Variants in STK3 observed in about 807,000 individuals in gnomAD.
STK3 encodes serine/threonine-protein kinase 3.
Under a neutral mutation model 58.0 loss-of-function variants are expected in STK3, and 41 were observed. The observed-to-expected ratio is 0.71, with a 90% confidence interval of 0.55 to 0.92. The LOEUF (loss-of-function observed/expected upper bound fraction) is 0.92. STK3 is among the 40% of genes least tolerant of loss of function. The pLI, the probability that STK3 is intolerant of heterozygous loss-of-function variation, is 0.00. For synonymous variants in STK3, 170 were observed against 191.0 expected (o/e 0.89, Z 0.91); for missense variants, 479 against 602.7 (o/e 0.79, Z 2.15).
At chr8:98,417,869 C>T (rs1051134490) in intron 3 of STK3, among the ~76,000 whole-genome samples, 10 of 152,148 alleles carry the variant, frequency 6.6e-5, no homozygotes, top group South Asian at 2.1e-4. Flanking sequence ...CCTTCCAGAA[C>T]GCCTCGCTGT....
At chr8:98,922,780 C>T (rs531747584) in intron 1 of STK3, among the ~76,000 whole-genome samples, 2 of 152,156 alleles carry the variant, frequency 1.3e-5, no homozygotes, top group Non-Finnish European at 2.9e-5. Flanking sequence ...ATTCTTGGCT[C>T]TTGTCCTTTG....
At chr8:98,697,792 C>T (rs1254240576) in intron 6 of STK3, among the ~76,000 whole-genome samples, 2 of 152,048 alleles carry the variant, frequency 1.3e-5, no homozygotes, top group African/African-American at 4.8e-5. Context: ...AAAATGTGGT[C>T]AATTTTGGAA....
intron 4 of STK3, among the ~76,000 whole-genome samples, chr8:98,738,210 G>C (rs1828787641): frequency 6.6e-6 from 1 of 152,166 alleles, no homozygotes; most frequent in African/African-American, 2.4e-5. Context: ...AGACACGGTG[G>C]CTCATGCCTC....
intron 10 of STK3, among the ~76,000 whole-genome samples, chr8:98,468,851 C>G (rs112831554): frequency 0.032 from 4,945 of 152,288 alleles, 120 homozygotes; most frequent in East Asian, 0.079. Context: ...TGGCTAACGC[C>G]TGTAATCCCA....
chr8:98,476,795 T>C (rs1821346370), intron 10 of STK3, among the ~76,000 whole-genome samples: 3 of 152,228 alleles, frequency 2.0e-5, no homozygotes, highest in African/African-American at 7.2e-5. Context: ...CCAAATTCTC[T>C]AACATCTATA....
At chr8:98,612,863 A>G (rs4735568) in intron 6 of STK3, among the ~76,000 whole-genome samples, 1 of 151,956 alleles carries the variant, frequency 6.6e-6, no homozygotes, top group Non-Finnish European at 1.5e-5. Flanking sequence ...TGAGAAAAGA[A>G]CAAGTAGGGA....
At chr8:98,583,260 G>A (rs1461575704) in intron 7 of STK3, among the ~76,000 whole-genome samples, 1 of 151,946 alleles carries the variant, frequency 6.6e-6, no homozygotes, top group Admixed American at 6.6e-5. Context: ...TCAAAATTTG[G>A]TGTGTATCAT....
At chr8:98,376,832 G>A (rs543645558) in intron 2 of STK3, among the ~76,000 whole-genome samples, 3 of 152,258 alleles carry the variant, frequency 2.0e-5, no homozygotes, top group East Asian at 1.9e-4. Context: ...AGATGTAACC[G>A]GTAGCCAGGA....
At chr8:98,850,046 G>A (rs1836387765) in intron 3 of STK3, among the ~76,000 whole-genome samples, 1 of 152,020 alleles carries the variant, frequency 6.6e-6, no homozygotes, top group Non-Finnish European at 1.5e-5. Context: ...CCTATGAAAT[G>A]TTTCTCAAAT....
intron 2 of STK3, among the ~76,000 whole-genome samples, chr8:98,436,000 C>G (rs73273965): frequency 3.3e-5 from 5 of 152,104 alleles, no homozygotes; most frequent in Non-Finnish European, 5.9e-5. Context: ...TCTCTGTGAC[C>G]GGCCTCTGTT....
At chr8:98,864,046 A>C (rs944413229) in intron 3 of STK3, among the ~76,000 whole-genome samples, 5 of 151,834 alleles carry the variant, frequency 3.3e-5, no homozygotes, top group African/African-American at 4.8e-5. Flanking sequence ...AATACAAAAA[A>C]AAATTAGCCG....
intron 7 of STK3, among the ~76,000 whole-genome samples, chr8:98,587,295 G>C (rs996783852): frequency 1.3e-5 from 2 of 151,850 alleles, no homozygotes; most frequent in African/African-American, 4.8e-5. Context: ...CTGGTATGTT[G>C]TGTCTTTGTT....
rs527885726 is a variant in STK3, at chr8:98,618,308, G to A, written c.685-22139C>T. On this transcript the variant is annotated intron_variant, in intron 6 of 10. Coordinates refer to ENST00000419617, the MANE Select transcript of STK3 (RefSeq NM_006281.4). ...TCAATAAATTAGGTATTGATGGGAC[G>A]TATTTCAAAATAATAAGAGCTATCT... Among the ~76,000 whole-genome samples the A allele has an allele frequency of 9.1e-4, 134 of 146,924 alleles. No individual in the cohort carries two copies. The East Asian group carries it at 0.02, about 22-fold the overall frequency.
intron 6 of STK3, 90 bp from the exon 7 acceptor site, chr8:98,596,259 C>G (rs1337403616): frequency 4.9e-6 from 7 of 1,420,950 alleles, no homozygotes; most frequent in Non-Finnish European, 6.6e-6. Context: ...TTATCAGACT[C>G]TAAATTTGAA....
intron 7 of STK3, among the ~76,000 whole-genome samples, chr8:98,587,665 G>C (rs1814774439): frequency 6.6e-6 from 1 of 152,032 alleles, no homozygotes; most frequent in Non-Finnish European, 1.5e-5. Flanking sequence ...TTGACTTTCT[G>C]TCTCGTTGAT....
chr8:98,399,609 T>G (rs982741896), downstream of STK3, among the ~76,000 whole-genome samples: 5 of 152,344 alleles, frequency 3.3e-5, no homozygotes, highest in African/African-American at 1.2e-4. Flanking sequence ...TAGCCTCAGT[T>G]TCCTTATTTG....
At chr8:98,474,875 G>C (rs1224467533) in intron 10 of STK3, among the ~76,000 whole-genome samples, 1 of 152,138 alleles carries the variant, frequency 6.6e-6, no homozygotes, top group African/African-American at 2.4e-5. Flanking sequence ...TGAGATACGT[G>C]AATATAGGAC....
chr8:98,652,020 C>A (rs1200714272), intron 6 of STK3, among the ~76,000 whole-genome samples: 1 of 151,960 alleles, frequency 6.6e-6, no homozygotes, highest in Non-Finnish European at 1.5e-5. Context: ...AACTCCAAGA[C>A]ACATAATTGT....
At chr8:98,558,158 AAATAAG>A (rs1490569334) in intron 8 of STK3, among the ~76,000 whole-genome samples, 5 of 152,144 alleles carry the variant, frequency 3.3e-5, no homozygotes, top group Admixed American at 1.3e-4. Context: ...AAATATTTTA[AAATAAG>A]AATGACACCT....
Sources: allele counts gnomAD v4.1 joint callset (sites outside exome capture counted in the v4.1 genomes callset), GRCh38; gene constraint gnomAD v4.1.1; transcripts MANE v1.5; gene names NCBI Gene and HGNC (gene_info 2026-07-23, HGNC 2026-07-21).